FASN: variants seen among roughly 807,000 people sequenced by gnomAD.
The protein encoded by FASN is fatty acid synthase, also known as 3-hydroxyacyl-[acyl-carrier-protein] dehydratase.
FASN carries 50 observed loss-of-function variants against 250.0 expected under a neutral mutation model. That is an observed-to-expected ratio of 0.20 (90% CI 0.16 to 0.25). FASN has a LOEUF of 0.25. Among genes scored for constraint, FASN ranks in the 10% least tolerant of loss-of-function variants. The probability of loss-of-function intolerance (pLI) is 1.00; values close to 1 mark genes in which losing one functional copy is unlikely to be tolerated. For synonymous variants in FASN, 1,909 were observed against 1,584.0 expected, an observed-to-expected ratio of 1.21 and a Z score of -4.87; for missense variants, 3,031 against 3,498.5, an observed-to-expected ratio of 0.87 and a Z score of 3.37.
In FASN at chr17:82,087,513, AGG is replaced by A; in HGVS notation, c.3044-11_3044-10del. The stretch of plus-strand genomic sequence containing the variant: ...CAGCCTCCCCGAGTCACCTGCACAC[AGG>A]GCCTGGTTGGTGCTGTGGAACTCCC... On this transcript the variant is annotated splice_polypyrimidine_tract_variant and intron_variant, in intron 19 of 42. Coordinates refer to ENST00000306749, the MANE Select transcript of FASN (RefSeq NM_004104.5). 1 of 1,611,836 alleles carries A rather than the reference AGG, an allele frequency of 6.2e-7. No individual in the cohort carries two copies. The highest frequency in any genetic ancestry group is 1.7e-5 in the Admixed American group (1 of 60,024).
At chr17:82,093,510 A>C (rs1019055539) in intron 4 of FASN, 88 bp downstream of exon 4, 10 of 1,596,718 alleles carry the variant, frequency 6.3e-6, no homozygotes, top group Non-Finnish European at 8.5e-6. Context: ...CACACACTGC[A>C]CGGAGTGAGC....
At position 82,085,044 on chromosome 17, in the gene FASN, T is replaced by C. The variant is rs770802103; in HGVS notation, c.4400A>G (p.Asn1467Ser). 1 of 1,610,674 alleles carries C rather than the reference T, an allele frequency of 6.2e-7. No homozygotes were observed. The highest frequency in any genetic ancestry group is 1.3e-5 in the African/African-American group (1 of 74,854). ...GGGGCCGTGCTCCTACCGGAGGCGGTTCCCGCCGGGCTCTCGGCGGAGACA... is the reference window on the plus strand; with the variant it reads ...GGGGCCGTGCTCCTACCGGAGGCGGCTCCCGCCGGGCTCTCGGCGGAGACA... Reference protein sequence around the residue: ...VNCLRREPGGNRLRCVLLSNL... With the variant: ...VNCLRREPGGSRLRCVLLSNL... Residue 1467 changes from asparagine to serine, a missense_variant, in exon 25 of 43, where the codon AAC (asparagine) becomes AGC (serine). Coordinates refer to ENST00000306749, the MANE Select transcript of FASN (RefSeq NM_004104.5).
chr17:82,086,077 C>T (rs2034092680), intron 22 of FASN, among the ~76,000 whole-genome samples, 177 bp downstream of exon 22: 1 of 152,220 alleles, frequency 6.6e-6, no homozygotes, highest in South Asian at 2.1e-4. Context: ...CACGGGCGGA[C>T]CCTCCACGGT....
Position 82,091,464 on chromosome 17 carries a change from T to C in FASN, c.1250A>G (p.His417Arg), listed in dbSNP as rs1417800671. 6 of 1,606,348 alleles carry C rather than the reference T, an allele frequency of 3.7e-6. No individual in the cohort carries two copies. The highest frequency in any genetic ancestry group is 2.2e-5 in the East Asian group (1 of 44,584). The change falls in exon 9 of 43, where the codon CAT becomes CGT. Residue 417 changes from histidine to arginine, a missense_variant. Coordinates refer to ENST00000306749, the MANE Select transcript of FASN (RefSeq NM_004104.5). ...NTQPPPAPAP[H>R]ATLPRLLRAS... The stretch of plus-strand genomic sequence containing the variant: ...CCGCAGCAGACGGGGCAGGGTGGCA[T>C]GTGGGGCGGGTGCGGGGGGCGGCTG...
At position 82,084,545 on chromosome 17, in the gene FASN, G is replaced by A. The variant is rs764505893; in HGVS notation, c.4736C>T (p.Ala1579Val). Residue 1579 changes from alanine (A) to valine (V), a missense_variant, in exon 27 of 43, where the codon GCC (alanine) becomes GTC (valine). Transcript: ENST00000306749. Reference sequence around the variant, plus strand: ...GGCATCAGGGGACAGCTTGCCAGTGGCCAGCATGATGTCGCGGAAGTTGAG... The same window carrying A: ...GGCATCAGGGGACAGCTTGCCAGTGACCAGCATGATGTCGCGGAAGTTGAG... ...ASLNFRDIMLATGKLSPDAIP... is the reference protein window; with the variant it reads ...ASLNFRDIMLVTGKLSPDAIP... The A allele has an allele frequency of 3.7e-6, 6 of 1,611,476 alleles. No individual in the cohort carries two copies. In the South Asian group the frequency reaches 6.6e-5, roughly 18 times the overall value.
chr17:82,079,946 A>G (rs533493086), intron 41 of FASN, 194 bp downstream of exon 41: 2 of 680,648 alleles, frequency 2.9e-6, no homozygotes, highest in African/African-American at 1.8e-5. Flanking sequence ...GACCTCAGGT[A>G]ATCTGCCCGC....
chr17:82,088,727 CG>C, intron 15 of FASN, 33 bp downstream of exon 15: 1 of 1,584,774 alleles, frequency 6.3e-7, no homozygotes, highest in East Asian at 2.2e-5. Flanking sequence ...TCCCCGACTC[CG>C]GGAGACGAGA....
rs766051789 is a variant in FASN, at chr17:82,096,398, C to T, written c.48G>A (p.Ser16=). Residue 16 remains serine, a synonymous_variant, in exon 2 of 43, where the codon TCG becomes TCA. Transcript: ENST00000306749. Reference sequence around the variant, plus strand: ...TGTCCCAGAACTCCTGCAAGTTCTCCGACTCTGGCAGCTTCCCGGACATGC... The same window carrying T: ...TGTCCCAGAACTCCTGCAAGTTCTCTGACTCTGGCAGCTTCCCGGACATGC... ...IAGMSGKLPE[S]ENLQEFWDNL... 1.0e-4 allele frequency: 164 copies of T among 1,612,782 alleles called. 1 individual carries two copies. In the Admixed American group the frequency reaches 1.1e-3, roughly 11 times the overall value.
In FASN at chr17:82,087,187, A is replaced by G; in HGVS notation, c.3290T>C (p.Leu1097Pro). ...CCGCCGCGGGGCCGACTCAGTGTGG[A>G]GCCCGGAGATGTGGACGCCTCCGGC... Reference protein sequence around the residue: ...TVAGGVHISGLHTESAPRRQQ... With the variant: ...TVAGGVHISGPHTESAPRRQQ... Residue 1097 changes from leucine (L) to proline (P), a missense_variant, in exon 21 of 43, where the codon CTC (leucine) becomes CCC (proline). By Grantham distance (98) the Leu-to-Pro change is moderately conservative. Transcript: ENST00000306749. 3.7e-6 allele frequency: 6 copies of G among 1,608,202 alleles called. No homozygotes were observed. The highest frequency in any genetic ancestry group is 5.1e-6 in the Non-Finnish European group (6 of 1,178,606).
rs747341947 is a variant in FASN, at chr17:82,081,737, G to A, written c.6270C>T (p.Ser2090=). Residue 2090 remains serine (S), a synonymous_variant, in exon 37 of 43, where the codon TCC becomes TCT. Transcript: ENST00000306749. Reference sequence around the variant, plus strand: ...GGAAGAGGTCCAGCACCTCCAGGCAGGACGCCATGCGCTGGGGCAGCGTGC... The same window carrying A: ...GGAAGAGGTCCAGCACCTCCAGGCAAGACGCCATGCGCTGGGGCAGCGTGC... ...VSGTLPQRMA[S]CLEVLDLFLN... 2 of 1,612,760 alleles carry A rather than the reference G, an allele frequency of 1.2e-6. No homozygotes were observed. Among genetic ancestry groups the A allele is most frequent in the Admixed American group, 3.3e-5 (2 of 60,024 alleles).
chr17:82,089,557 TG>T (rs2034165256), intron 12 of FASN, 74 bp downstream of exon 12: 1 of 1,544,046 alleles, frequency 6.5e-7, no homozygotes, highest in Non-Finnish European at 8.8e-7. Context: ...GCGTAGACCG[TG>T]GCCGCGTGTC....
At position 82,080,942 on chromosome 17, in the gene FASN, T is replaced by G; in HGVS notation, c.6596-20A>C. 6.3e-7 allele frequency: 1 copy of G among 1,585,612 alleles called. No homozygotes were observed. The highest frequency in any genetic ancestry group is 1.1e-5 in the South Asian group (1 of 87,598). On this transcript the variant is annotated intron_variant, in intron 38 of 42. Transcript: ENST00000306749. Reference sequence around the variant, plus strand: ...CCAGCTCTGTGAAGACAGGGGCAGATGCCAGGCTGGTCTGGGTGCAGAGCC... The same window carrying G: ...CCAGCTCTGTGAAGACAGGGGCAGAGGCCAGGCTGGTCTGGGTGCAGAGCC...
Position 82,086,985 on chromosome 17 carries a change from C to T in FASN, c.3427+65G>A, listed in dbSNP as rs1222124042. 42 of 1,570,600 alleles carry T rather than the reference C, an allele frequency of 2.7e-5. 1 individual carries two copies. Among genetic ancestry groups the T allele is most frequent in the South Asian group, 2.4e-4 (21 of 87,856 alleles). On this transcript the variant is annotated intron_variant, in intron 21 of 42. Transcript: ENST00000306749. Reference sequence around the variant, plus strand: ...CGTGGAGAAGCAAGTCTGGGGTCAACGTGAGGGGAGGCGATCGCTCCTCAT... The same window carrying T: ...CGTGGAGAAGCAAGTCTGGGGTCAATGTGAGGGGAGGCGATCGCTCCTCAT...
At position 82,090,867 on chromosome 17, in the gene FASN, C is replaced by A. The variant is rs111483630; in HGVS notation, c.1680+15G>T. 1 of 1,569,068 alleles carries A rather than the reference C, an allele frequency of 6.4e-7. No individual in the cohort carries two copies. The highest frequency in any genetic ancestry group is 1.2e-5 in the South Asian group (1 of 86,076). ...GGGGCTGGCGTTGCTCACACGCTGGCAGGCTGGGCCCTACCTGGATGGCAG... is the reference window on the plus strand; with the variant it reads ...GGGGCTGGCGTTGCTCACACGCTGGAAGGCTGGGCCCTACCTGGATGGCAG... On this transcript the variant is annotated intron_variant, in intron 10 of 42. Coordinates refer to ENST00000306749, the MANE Select transcript of FASN (RefSeq NM_004104.5).
At chr17:82,096,817 C>T in intron 1 of FASN, 1 of 356,082 alleles carries the variant, frequency 2.8e-6, no homozygotes, top group East Asian at 7.2e-5. Flanking sequence ...GCTCCTGGAG[C>T]TTGTCCCAGG....
rs1219009680 is a variant in FASN, at chr17:82,085,522, G to A, written c.4082C>T (p.Thr1361Ile). 1.3e-6 allele frequency: 2 copies of A among 1,596,278 alleles called. No homozygotes were observed. The highest frequency in any genetic ancestry group is 1.1e-5 in the South Asian group (1 of 88,592). Residue 1361 changes from threonine to isoleucine, a missense_variant, in exon 23 of 43, where the codon ACC (threonine) becomes ATC (isoleucine). Thr to Ile is a moderately conservative substitution (Grantham distance 89). Transcript: ENST00000306749. ...HPLGDIVAFL[T>I]STEPQYGQGI... is the part of the protein sequence containing the mutation. ...CTGGCCATACTGCGGCTCAGTGGAGGTGAGGAAGGCCACGATGTCCCCGAG... is the reference window on the plus strand; with the variant it reads ...CTGGCCATACTGCGGCTCAGTGGAGATGAGGAAGGCCACGATGTCCCCGAG...
At chr17:82,093,823 G>GCCCCCCCCCCC in intron 3 of FASN, 52 bp from the exon 4 acceptor site, 1 of 1,549,744 alleles carries the variant, frequency 6.5e-7, no homozygotes, top group South Asian at 1.2e-5. Context: ...AGCGCAGCCA[G>GCCCCCCCCCCC]CCCACCCACC....
chr17:82,080,906 C>A lies in FASN; in HGVS notation c.6612G>T (p.Thr2204=). ...ADEASELACP[T]PKEDGLAQQQ... ...GCTGGGCCAGACCATCCTCCTTGGG[C>A]GTGGGGCATGCCAGCTCTGTGAAGA... is the stretch of plus-strand genomic sequence containing the variant. Residue 2204 remains threonine, a synonymous_variant, in exon 39 of 43, where the codon ACG becomes ACT. Coordinates refer to ENST00000306749, the MANE Select transcript of FASN (RefSeq NM_004104.5). 3.1e-6 allele frequency: 5 copies of A among 1,609,256 alleles called. No individual in the cohort carries two copies. The South Asian group carries it at 5.5e-5, about 18-fold the overall frequency.
chr17:82,088,220 A>G lies in FASN; in HGVS notation c.2681T>C (p.Ile894Thr). ...VLFPATGYLS[I>T]VWKTLARALG... is the part of the protein sequence containing the mutation. ...GGCGCGGGCCAGCGTCTTCCACACT[A>G]TGCTCAGGTAGCCAGTGGCGGGGAA... Residue 894 changes from isoleucine to threonine, a missense_variant, in exon 17 of 43, where the codon ATA (isoleucine) becomes ACA (threonine). By Grantham distance (89) the Ile-to-Thr change is moderately conservative. Coordinates refer to ENST00000306749, the MANE Select transcript of FASN (RefSeq NM_004104.5). The G allele has an allele frequency of 6.2e-7, 1 of 1,611,364 alleles. No individual in the cohort carries two copies. Among genetic ancestry groups the G allele is most frequent in the Non-Finnish European group, 8.5e-7 (1 of 1,179,936 alleles).
Sources: allele counts gnomAD v4.1 joint callset (sites outside exome capture counted in the v4.1 genomes callset), GRCh38; gene constraint gnomAD v4.1.1; transcripts MANE v1.5; gene names NCBI Gene and HGNC (gene_info 2026-07-23, HGNC 2026-07-21).